Variants in ZDHHC16 observed in about 807,000 individuals in gnomAD.
ZDHHC16 encodes zDHHC palmitoyltransferase 16.
Under a neutral mutation model 54.4 loss-of-function variants are expected in ZDHHC16, and 33 were observed. That is an observed-to-expected ratio of 0.61 (90% CI 0.46 to 0.81). The LOEUF is 0.81. ZDHHC16 is among the 30% of genes least tolerant of loss of function. ZDHHC16 has a pLI of 0.00. For missense variants in ZDHHC16, 420 were observed against 485.9 expected (o/e 0.86, Z 1.28); for synonymous variants, 185 against 182.1 (o/e 1.02, Z -0.13).
intron 1 of ZDHHC16, among the ~76,000 whole-genome samples, chr10:97,447,002 T>G (rs1846122723): frequency 6.6e-6 from 1 of 152,204 alleles, no homozygotes; most frequent in Non-Finnish European, 1.5e-5. Flanking sequence ...AGCCACTGCC[T>G]CCGGCCTTTT....
At chr10:97,455,533 T>C in intron 9 of ZDHHC16, 127 bp from the exon 10 acceptor site, 2 of 1,464,364 alleles carry the variant, frequency 1.4e-6, no homozygotes, top group South Asian at 1.2e-5. Flanking sequence ...CTAGGATATA[T>C]GGTGGGAGGT....
Position 97,456,856 on chromosome 10 carries a change from G to T in ZDHHC16, c.1099G>T (p.Val367Leu). ...AATGAGCTGGGAGCCCCCTCCCTGG[G>T]TGACTGCTCACTCAGCCTCTGTGAT... ...NGMSWEPPPWVTAHSASVMAV is the reference protein window; with the variant it reads ...NGMSWEPPPWLTAHSASVMAV The change falls in exon 12 of 12, where the codon GTG becomes TTG. Residue 367 changes from valine to leucine, a missense_variant. Transcript: ENST00000393760. 2 of 1,613,226 alleles carry T rather than the reference G, an allele frequency of 1.2e-6. No individual in the cohort carries two copies. The highest frequency in any genetic ancestry group is 1.7e-6 in the Non-Finnish European group (2 of 1,179,626).
chr10:97,451,560 T>C, intron 2 of ZDHHC16, 111 bp from the exon 3 acceptor site: 2 of 1,452,292 alleles, frequency 1.4e-6, no homozygotes, highest in African/African-American at 1.4e-5. Context: ...CTGGCCTAGC[T>C]GGGTCTTAGT....
In ZDHHC16 at chr10:97,452,164, C is replaced by T. The variant is rs746407190; in HGVS notation, c.318C>T (p.Ile106=). The change falls in exon 4 of 12, where the codon ATC becomes ATT. Residue 106 remains isoleucine (I), a synonymous_variant. Coordinates refer to ENST00000393760, the MANE Select transcript of ZDHHC16 (RefSeq NM_198046.3). ...CCTACCTGTGTGTCCTGCCTCTCAT[C>T]CTCCGAACCTACTCAGTGCCACGAC... ...AIAYLCVLPL[I]LRTYSVPRLC... is the part of the protein sequence containing the mutation. 6.2e-7 allele frequency: 1 copy of T among 1,614,130 alleles called. No homozygotes were observed. The highest frequency in any genetic ancestry group is 8.5e-7 in the Non-Finnish European group (1 of 1,180,042).
At chr10:97,449,066 C>T (rs1210632059) in intron 1 of ZDHHC16, among the ~76,000 whole-genome samples, 1 of 152,100 alleles carries the variant, frequency 6.6e-6, no homozygotes, top group Non-Finnish European at 1.5e-5. Context: ...GATTGAGTCC[C>T]AGTAGAGTTG....
chr10:97,451,667 G>C lies in ZDHHC16; in HGVS notation c.-5-4G>C. ...TAGATCCTCACAATGGTGTGCTCTC[G>C]TAGGAACCATGCGAGGCCAGCGGAG... On this transcript the variant is annotated splice_polypyrimidine_tract_variant and splice_region_variant and intron_variant, in intron 2 of 11. Transcript: ENST00000393760. 2.5e-6 allele frequency: 4 copies of C among 1,606,158 alleles called. No homozygotes were observed. The highest frequency in any genetic ancestry group is 3.4e-6 in the Non-Finnish European group (4 of 1,177,020).
At position 97,452,901 on chromosome 10, in the gene ZDHHC16, G is replaced by C; in HGVS notation, c.534G>C (p.Val178=). The C allele has an allele frequency of 6.2e-7, 1 of 1,614,196 alleles. No homozygotes were observed. Among genetic ancestry groups the C allele is most frequent in the Non-Finnish European group, 8.5e-7 (1 of 1,180,042 alleles). ...CTGTGTCCCTTCCTCACAGGTGTGTGCTGAAGATGGATCACCACTGCCGTA... is the reference window on the plus strand; with the variant it reads ...CTGTGTCCCTTCCTCACAGGTGTGTCCTGAAGATGGATCACCACTGCCGTA... ...THHCSICNRC[V]LKMDHHCPWL... is the part of the protein sequence containing the mutation. Residue 178 remains valine, a synonymous_variant, in exon 6 of 12, where the codon GTG becomes GTC. Transcript: ENST00000393760.
At position 97,451,853 on chromosome 10, in the gene ZDHHC16, G is replaced by A. The variant is rs577013737; in HGVS notation, c.178G>A (p.Ala60Thr). 1.4e-5 allele frequency: 22 copies of A among 1,614,170 alleles called. No individual in the cohort carries two copies. Among genetic ancestry groups the A allele is most frequent in the Non-Finnish European group, 1.6e-5 (19 of 1,180,026 alleles). Residue 60 changes from alanine to threonine, a missense_variant, in exon 3 of 12, where the codon GCT (alanine) becomes ACT (threonine). Physicochemically the swap from Ala to Thr is moderately conservative, Grantham distance 58. Transcript: ENST00000393760. ...LYNSFGGSDT[A>T]VDAAFEPVYW... ...CAACTCCTTTGGGGGCAGTGACACC[G>A]CTGTTGATGCTGCCTTTGAGCCTGT...
chr10:97,452,602 C>T (rs915764287), intron 5 of ZDHHC16, 99 bp downstream of exon 5: 1 of 1,277,214 alleles, frequency 7.8e-7, no homozygotes, highest in Admixed American at 2.2e-5. Flanking sequence ...GGGTGAATCA[C>T]CCATCGTGTC....
chr10:97,453,683 G>A lies in ZDHHC16; in HGVS notation c.690+20G>A, dbSNP rs1846873554. The A allele has an allele frequency of 6.2e-7, 1 of 1,614,186 alleles. No homozygotes were observed. Among genetic ancestry groups the A allele is most frequent in the Non-Finnish European group, 8.5e-7 (1 of 1,180,024 alleles). ...ATTGAGGTGAGCTCATCAGGAACAG[G>A]GCAGCTCAGTAGTGCAGAACTTCGG... is the stretch of plus-strand genomic sequence containing the variant. On this transcript the variant is annotated intron_variant, in intron 7 of 11. Coordinates refer to ENST00000393760, the MANE Select transcript of ZDHHC16 (RefSeq NM_198046.3).
chr10:97,451,717 C>G lies in ZDHHC16; in HGVS notation c.42C>G (p.Leu14=), dbSNP rs1453037869. Residue 14 remains leucine, a synonymous_variant, in exon 3 of 12, where the codon CTC becomes CTG. Coordinates refer to ENST00000393760, the MANE Select transcript of ZDHHC16 (RefSeq NM_198046.3). ...QRSLLLGPAR[L]CLRLLLLLGY... is the part of the protein sequence containing the mutation. ...GCCTGCTGCTGGGCCCGGCCCGCCT[C>G]TGCCTCCGCCTCCTTCTGCTGCTGG... 2 of 1,613,140 alleles carry G rather than the reference C, an allele frequency of 1.2e-6. No homozygotes were observed. Among genetic ancestry groups the G allele is most frequent in the South Asian group, 1.1e-5 (1 of 91,028 alleles).
intron 1 of ZDHHC16, among the ~76,000 whole-genome samples, chr10:97,448,767 CAAAA>C (rs1248748931): frequency 3.3e-5 from 5 of 151,690 alleles, no homozygotes; most frequent in African/African-American, 4.8e-5. Flanking sequence ...CAAAAACAAA[CAAAA>C]AAAGTGTTTA....
chr10:97,448,915 A>T (rs536770371), intron 1 of ZDHHC16, among the ~76,000 whole-genome samples: 78 of 152,328 alleles, frequency 5.1e-4, no homozygotes, highest in African/African-American at 1.8e-3. Flanking sequence ...GGATTTTGGT[A>T]TCTGAAGGGA....
At chr10:97,454,667 G>A in intron 8 of ZDHHC16, 47 bp from the exon 9 acceptor site, 1 of 1,548,154 alleles carries the variant, frequency 6.5e-7, no homozygotes. Context: ...GCAGTTGCTG[G>A]AGACCCACAG....
At chr10:97,452,753 TG>T in intron 5 of ZDHHC16, 141 bp from the exon 6 acceptor site, 1 of 1,157,982 alleles carries the variant, frequency 8.6e-7, no homozygotes, top group Non-Finnish European at 1.3e-6. Context: ...ACTGCAGAGC[TG>T]GGTTTGAAGC....
Position 97,451,831 on chromosome 10 carries a change from C to T in ZDHHC16, c.156C>T (p.Asn52=), listed in dbSNP as rs2133209565. 1.2e-6 allele frequency: 2 copies of T among 1,614,228 alleles called. No homozygotes were observed. Among genetic ancestry groups the T allele is most frequent in the African/African-American group, 1.3e-5 (1 of 75,078 alleles). Residue 52 remains asparagine (N), a synonymous_variant, in exon 3 of 12, where the codon AAC becomes AAT. Coordinates refer to ENST00000393760, the MANE Select transcript of ZDHHC16 (RefSeq NM_198046.3). ...GKVCLRSLLY[N]SFGGSDTAVD... ...TCTGCCTGCGCTCCCTGCTCTACAA[C>T]TCCTTTGGGGGCAGTGACACCGCTG...
At chr10:97,447,923 C>CAAAAAAAA (rs1176349061) in intron 1 of ZDHHC16, among the ~76,000 whole-genome samples, 1 of 116,844 alleles carries the variant, frequency 8.6e-6, no homozygotes. Flanking sequence ...AACTCCATCT[C>CAAAAAAAA]AAAAAAAAAA....
At chr10:97,456,700 GT>G in intron 11 of ZDHHC16, 76 bp from the exon 12 acceptor site, 1 of 1,071,434 alleles carries the variant, frequency 9.3e-7, no homozygotes, top group Non-Finnish European at 1.3e-6. Context: ...ATACCTTGAT[GT>G]ATGCTTGTTA....
chr10:97,457,156 A>G lies in ZDHHC16; in HGVS notation c.*265A>G, dbSNP rs2029886383. 1 of 249,058 alleles carries G rather than the reference A, an allele frequency of 4.0e-6. No individual in the cohort carries two copies. Among genetic ancestry groups the G allele is most frequent in the Middle Eastern group, 1.3e-3 (1 of 768 alleles). 15.4% of individuals were successfully genotyped at this position (249,058 alleles called of 1,614,324 possible). A position where few individuals can be genotyped will look rare whatever the true frequency, so the allele number is the denominator to read the frequency against. On this transcript the variant is annotated 3_prime_UTR_variant, in exon 12 of 12. Coordinates refer to ENST00000393760, the MANE Select transcript of ZDHHC16 (RefSeq NM_198046.3). ...CTAGGGGTCAGGCAGCTAGCTACCTACCTTGCCCAGTGCTGACCCGGACCT... is the reference window on the plus strand; with the variant it reads ...CTAGGGGTCAGGCAGCTAGCTACCTGCCTTGCCCAGTGCTGACCCGGACCT...
Sources: gnomAD v4.1 joint callset for allele counts (sites outside exome capture counted in the v4.1 genomes callset) on GRCh38, gnomAD v4.1.1 for gene constraint, MANE v1.5 for transcripts, NCBI Gene and HGNC (gene_info 2026-07-23, HGNC 2026-07-21) for gene names.